Variants in LRRTM4 observed in about 807,000 individuals in gnomAD.
LRRTM4 encodes the protein leucine rich repeat transmembrane neuronal 4.
In LRRTM4, 25 loss-of-function variants were observed where a neutral mutation model predicts 47.6. The ratio of observed to expected loss-of-function variants is 0.53; its 90% CI spans 0.38 to 0.73. The LOEUF (loss-of-function observed/expected upper bound fraction) is 0.73. LRRTM4 is among the 30% of genes least tolerant of loss of function. LRRTM4 has a pLI of 0.00. For synonymous variants in LRRTM4, 311 were observed against 269.5 expected, an observed-to-expected ratio of 1.15 and a Z score of -1.51; for missense variants, 638 against 713.4, an observed-to-expected ratio of 0.89 and a Z score of 1.20.
chr2:77,278,748 T>C lies in LRRTM4; in HGVS notation c.1551+239570A>G, dbSNP rs974965169. ...ACATCTTACTTTACCAATTTGTACA[T>C]TTCATGTTAGAAAGTGTGTATACCA... On this transcript the variant is annotated intron_variant, in intron 3 of 3. Transcript: ENST00000409884. Among the ~76,000 whole-genome samples, 7 of 151,984 alleles carry C rather than the reference T, an allele frequency of 4.6e-5. No individual in the cohort carries two copies. The East Asian group carries it at 5.8e-4, about 13-fold the overall frequency.
chr2:77,519,920 C>T lies in LRRTM4; in HGVS notation c.5-56G>A, dbSNP rs1344149114. 4.1e-6 allele frequency: 6 copies of T among 1,479,046 alleles called. No individual in the cohort carries two copies. The highest frequency in any genetic ancestry group is 2.8e-5 in the African/African-American group (2 of 70,518). The allele number at this position is 1,479,046 out of a possible 1,614,324, so 91.6% of individuals were successfully genotyped here. A position where few individuals can be genotyped will look rare whatever the true frequency, so the allele number is the denominator to read the frequency against. On this transcript the variant is annotated intron_variant, in intron 2 of 3. Transcript: ENST00000409884. The surrounding 1 kb of genome is among the most constrained non-coding windows in gnomAD (Gnocchi z 4.6). Reference sequence around the variant, plus strand: ...TTGTGAAGCTATTAAAATAAATCACCGTCGGTTTACCAACAACAGGGGCAT... The same window carrying T: ...TTGTGAAGCTATTAAAATAAATCACTGTCGGTTTACCAACAACAGGGGCAT...
intron 3 of LRRTM4, among the ~76,000 whole-genome samples, chr2:77,337,318 G>C (rs1300184516): frequency 1.3e-5 from 2 of 151,946 alleles, no homozygotes; most frequent in Non-Finnish European, 2.9e-5. Flanking sequence ...CAAATTTAAC[G>C]CTATTCCTTT....
At position 76,879,131 on chromosome 2, in the gene LRRTM4, G is replaced by A. The variant is rs533175513; in HGVS notation, c.1552-130215C>T. On this transcript the variant is annotated intron_variant, in intron 3 of 3. Coordinates refer to ENST00000409884, the MANE Select transcript of LRRTM4 (RefSeq NM_001134745.3). Reference sequence around the variant, plus strand: ...GCACTGATGTATAACTCTGCAGAAAGTTACACATAAGATCTAGCTAAGATC... The same window carrying A: ...GCACTGATGTATAACTCTGCAGAAAATTACACATAAGATCTAGCTAAGATC... Among the ~76,000 whole-genome samples, 9 of 152,328 alleles carry A rather than the reference G, an allele frequency of 5.9e-5. No homozygotes were observed. The East Asian group carries it at 1.7e-3, about 29-fold the overall frequency.
chr2:77,460,257 G>A (rs1290641737), intron 3 of LRRTM4, among the ~76,000 whole-genome samples: 4 of 152,066 alleles, frequency 2.6e-5, no homozygotes, highest in Admixed American at 6.6e-5. Flanking sequence ...CAAATTTAAT[G>A]TCTTTTTGTT....
intron 3 of LRRTM4, among the ~76,000 whole-genome samples, chr2:77,259,284 C>T (rs923221881): frequency 2.0e-5 from 3 of 152,008 alleles, no homozygotes; most frequent in Admixed American, 1.3e-4. Flanking sequence ...ATCTTTTAAA[C>T]ACTCATAAAG....
At chr2:76,842,232 G>A (rs779730387) in intron 3 of LRRTM4, among the ~76,000 whole-genome samples, 6 of 152,118 alleles carry the variant, frequency 3.9e-5, no homozygotes, top group Non-Finnish European at 7.4e-5. Flanking sequence ...CGGTGCTTCT[G>A]GTTCCCTGCT....
intron 3 of LRRTM4, among the ~76,000 whole-genome samples, chr2:76,779,662 C>T (rs949721520): frequency 4.3e-4 from 64 of 150,064 alleles, no homozygotes; most frequent in African/African-American, 1.1e-3. Flanking sequence ...TGTCTCTGCA[C>T]GTGAGATGGG....
chr2:76,789,924 G>A (rs969020141), intron 3 of LRRTM4, among the ~76,000 whole-genome samples: 1 of 152,036 alleles, frequency 6.6e-6, no homozygotes, highest in South Asian at 2.1e-4. Context: ...CTTTTAGATG[G>A]GTTGGTCCTG....
At chr2:76,760,993 C>A (rs1673232524) in intron 3 of LRRTM4, among the ~76,000 whole-genome samples, 1 of 152,216 alleles carries the variant, frequency 6.6e-6, no homozygotes, top group Admixed American at 6.5e-5. Context: ...TGGTCCCTAT[C>A]CCAGATCAAT....
intron 3 of LRRTM4, among the ~76,000 whole-genome samples, chr2:76,865,706 G>T (rs1247002111): frequency 6.6e-6 from 1 of 151,782 alleles, no homozygotes; most frequent in Non-Finnish European, 1.5e-5. Context: ...GAATAAATCA[G>T]AGAGAAGTAT....
chr2:77,213,463 AGTATACATAAATATGTATAT>A (rs1245171708), intron 3 of LRRTM4, among the ~76,000 whole-genome samples: 2 of 152,166 alleles, frequency 1.3e-5, no homozygotes, highest in Non-Finnish European at 2.9e-5. Context: ...TCATTGATTA[AGTATACATAAATATGTATAT>A]GTATACATAC....
chr2:77,249,176 C>A (rs1675532946), intron 3 of LRRTM4, among the ~76,000 whole-genome samples: 2 of 151,792 alleles, frequency 1.3e-5, no homozygotes, highest in African/African-American at 4.8e-5. Context: ...ATGGTGAAAC[C>A]CCGTCTCTAC....
At chr2:76,794,345 A>G (rs550191264) in intron 3 of LRRTM4, among the ~76,000 whole-genome samples, 2 of 152,234 alleles carry the variant, frequency 1.3e-5, no homozygotes, top group Non-Finnish European at 2.9e-5. Context: ...GAGGAAAGAA[A>G]GTGAACCTTA....
intron 3 of LRRTM4, among the ~76,000 whole-genome samples, chr2:76,774,762 T>C (rs1263248184): frequency 6.6e-6 from 1 of 152,190 alleles, no homozygotes; most frequent in Non-Finnish European, 1.5e-5. Flanking sequence ...ATTTTTGCTT[T>C]CTAATTTCTC....
At chr2:76,788,687 C>T (rs1674808104) in intron 3 of LRRTM4, among the ~76,000 whole-genome samples, 1 of 152,134 alleles carries the variant, frequency 6.6e-6, no homozygotes. Flanking sequence ...TCTTGTAGGA[C>T]TGTGTGTCTT....
In LRRTM4 at chr2:76,748,347, A is replaced by G; in HGVS notation, c.*348T>C. 4.4e-6 allele frequency: 1 copy of G among 229,000 alleles called. No individual in the cohort carries two copies. The highest frequency in any genetic ancestry group is 6.7e-5 in the South Asian group (1 of 15,000). The allele number at this position is 229,000 out of a possible 1,614,324, so 14.2% of individuals were successfully genotyped here. A position where few individuals can be genotyped will look rare whatever the true frequency, so the allele number is the denominator to read the frequency against. On this transcript the variant is annotated 3_prime_UTR_variant, in exon 4 of 4. Transcript: ENST00000409884. ...TCCCCTGTGGTTCTCCAGCCCAGGA[A>G]CCATGCAGTGTAGAAAAATCAAATA...
chr2:77,247,789 A>C (rs1675488417), intron 3 of LRRTM4, among the ~76,000 whole-genome samples: 1 of 152,050 alleles, frequency 6.6e-6, no homozygotes, highest in South Asian at 2.1e-4. Flanking sequence ...GTCTATAATA[A>C]AAGAAGTTTC....
intron 3 of LRRTM4, among the ~76,000 whole-genome samples, chr2:76,807,432 A>ATG (rs1670535779): frequency 9.3e-6 from 1 of 107,754 alleles, no homozygotes; most frequent in South Asian, 3.1e-4. Flanking sequence ...ATACATATAT[A>ATG]TATACGTATA....
Position 76,748,728 on chromosome 2 carries a change from T to C in LRRTM4, c.1740A>G (p.Ala580=). The change falls in exon 4 of 4, where the codon GCA becomes GCG. Residue 580 remains alanine (A), a synonymous_variant. Transcript: ENST00000409884. ...CAATTCTCTCTAGGTAGATGGCCGG[T>C]GCTGCCGACCTGGCGATGGTGGCGA... is the stretch of plus-strand genomic sequence containing the variant. The part of the protein sequence containing the change: ...SFIATIARSA[A]PAIYLERIAN The C allele has an allele frequency of 1.2e-6, 2 of 1,608,880 alleles. No homozygotes were observed. Among genetic ancestry groups the C allele is most frequent in the Non-Finnish European group, 1.7e-6 (2 of 1,177,636 alleles).
Sources: allele counts gnomAD v4.1 joint callset (sites outside exome capture counted in the v4.1 genomes callset), GRCh38; gene constraint gnomAD v4.1.1; non-coding constraint Gnocchi (gnomAD v3.1); transcripts MANE v1.5; gene names NCBI Gene and HGNC (gene_info 2026-07-23, HGNC 2026-07-21).